PCDHA5: variants seen among roughly 807,000 people sequenced by gnomAD.
The protein encoded by PCDHA5 is protocadherin alpha-5.
Under a neutral mutation model 61.6 loss-of-function variants are expected in PCDHA5, and 43 were observed. That is an observed-to-expected ratio of 0.70 (90% CI 0.55 to 0.90). PCDHA5 has a LOEUF of 0.90. Ranked by LOEUF, PCDHA5 falls within the 40% of genes least tolerant of loss-of-function variation. PCDHA5 has a pLI of 0.00. For missense variants in PCDHA5, 1,298 were observed against 1,222.7 expected (o/e 1.06, Z -0.92); for synonymous variants, 627 against 543.9 (o/e 1.15, Z -2.13).
In PCDHA5 at chr5:140,848,841, G is replaced by A. The variant is rs2150422504; in HGVS notation, c.2352+24714G>A. The A allele has an allele frequency of 3.6e-5, 57 of 1,590,472 alleles. 1 individual carries two copies. In the African/African-American group the frequency reaches 7.3e-4, roughly 20 times the overall value. On this transcript the variant is annotated intron_variant, in intron 1 of 3. Transcript: ENST00000529859. ...GGTGATCGTAGACAGGCCGCTGCAG[G>A]TTTTCCATGTGGACGTGGAGGTGAA...
At chr5:140,857,717 G>C (rs782771327) in intron 1 of PCDHA5, 1 of 1,597,518 alleles carries the variant, frequency 6.3e-7, no homozygotes, top group African/African-American at 1.3e-5. Flanking sequence ...CGTGCTGGAC[G>C]AGAACGACAA....
intron 1 of PCDHA5, chr5:140,877,310 C>G (rs371801888): frequency 6.2e-7 from 1 of 1,613,938 alleles, no homozygotes; most frequent in Non-Finnish European, 8.5e-7. Flanking sequence ...GAGTTGCAAC[C>G]GGCGGCGGTC....
intron 1 of PCDHA5, chr5:140,851,464 T>A: frequency 1.1e-6 from 1 of 895,470 alleles, no homozygotes; most frequent in Non-Finnish European, 1.4e-6. Flanking sequence ...TCAAATTATG[T>A]CAATAAATGT....
chr5:140,827,921 A>G (rs2150149765), intron 1 of PCDHA5: 1 of 938,742 alleles, frequency 1.1e-6, no homozygotes, highest in East Asian at 2.4e-5. Context: ...GTCGCTGTCT[A>G]CCATGAAGTT....
rs1770654887 is a variant in PCDHA5, at chr5:140,829,892, T to G, written c.2352+5765T>G. 1 of 1,613,924 alleles carries G rather than the reference T, an allele frequency of 6.2e-7. No individual in the cohort carries two copies. The highest frequency in any genetic ancestry group is 8.5e-7 in the Non-Finnish European group (1 of 1,179,884). On this transcript the variant is annotated intron_variant, in intron 1 of 3. Coordinates refer to ENST00000529859, the MANE Select transcript of PCDHA5 (RefSeq NM_018908.3). The stretch of plus-strand genomic sequence containing the variant: ...GAAGGTGCGCGCAGTTGACGCCGAC[T>G]CAGGCTACAACGCGTGGCTTTCGTA...
chr5:140,985,895 A>G (rs782549334), intron 3 of PCDHA5, among the ~76,000 whole-genome samples: 16 of 150,016 alleles, frequency 1.1e-4, no homozygotes, highest in Non-Finnish European at 1.5e-4. Flanking sequence ...GCCCGCCACC[A>G]CTCCCGTCTA....
chr5:140,829,369 C>G, intron 1 of PCDHA5: 1 of 1,614,202 alleles, frequency 6.2e-7, no homozygotes, highest in Non-Finnish European at 8.5e-7. Flanking sequence ...TGGTGGTAAC[C>G]GCGCGGGACG....
chr5:140,856,960 T>C, intron 1 of PCDHA5: 2 of 1,593,258 alleles, frequency 1.3e-6, no homozygotes, highest in Non-Finnish European at 8.6e-7. Flanking sequence ...TAAAAGTAAA[T>C]GATGCTATTG....
At chr5:140,990,025 T>C (rs2097371572) in intron 3 of PCDHA5, among the ~76,000 whole-genome samples, 1 of 151,914 alleles carries the variant, frequency 6.6e-6, no homozygotes, top group African/African-American at 2.4e-5. Flanking sequence ...AGGCAAAGGA[T>C]GGGAGAAGTC....
intron 1 of PCDHA5, chr5:140,836,425 G>C (rs2150260582): frequency 1.2e-6 from 2 of 1,613,790 alleles, no homozygotes; most frequent in Non-Finnish European, 1.7e-6. Context: ...GCGTCGTCGC[G>C]GGCATCGTTG....
chr5:140,942,588 A>G lies in PCDHA5; in HGVS notation c.2353-36361A>G, dbSNP rs1416575390. Among the ~76,000 whole-genome samples the G allele has an allele frequency of 2.0e-5, 3 of 149,704 alleles. No homozygotes were observed. The East Asian group carries it at 5.9e-4, about 29-fold the overall frequency. ...AAAATCTTCCCATATAGGATGTCAC[A>G]TATAATTATAGTGTTTATATTTGCC... On this transcript the variant is annotated intron_variant, in intron 1 of 3. Transcript: ENST00000529859.
At chr5:140,989,601 A>C (rs553140269) in intron 3 of PCDHA5, among the ~76,000 whole-genome samples, 14 of 152,318 alleles carry the variant, frequency 9.2e-5, no homozygotes, top group African/African-American at 3.4e-4. Flanking sequence ...ACACAAGTAA[A>C]CTAAAAATGA....
At chr5:140,962,405 C>A (rs2095680586) in intron 1 of PCDHA5, among the ~76,000 whole-genome samples, 1 of 152,200 alleles carries the variant, frequency 6.6e-6, no homozygotes, top group South Asian at 2.1e-4. Context: ...TGCCCCAAAC[C>A]TGTCTCTCCC....
At chr5:140,870,755 A>G in intron 1 of PCDHA5, 3 of 1,613,522 alleles carry the variant, frequency 1.9e-6, no homozygotes, top group Non-Finnish European at 2.5e-6. Flanking sequence ...GTGACGCTGC[A>G]GGTGTTCGTG....
intron 1 of PCDHA5, chr5:140,883,801 C>T (rs782690228): frequency 4.3e-6 from 7 of 1,612,430 alleles, no homozygotes; most frequent in Non-Finnish European, 5.9e-6. Context: ...TGTCGGTGCA[C>T]GCGGAGAGCG....
rs550922282 is a variant in PCDHA5, at chr5:140,927,864, T to C, written c.2353-51085T>C. On this transcript the variant is annotated intron_variant, in intron 1 of 3. Transcript: ENST00000529859. The stretch of plus-strand genomic sequence containing the variant: ...GTGTCTTTGGTTTAGCTAGCACCGC[T>C]AAACTGCTGGTGGAGGTGACTGACG... The C allele has an allele frequency of 6.8e-6, 11 of 1,614,200 alleles. No homozygotes were observed. In the South Asian group the frequency reaches 1.2e-4, roughly 18 times the overall value.
chr5:140,963,196 G>GA (rs199602110), intron 1 of PCDHA5, among the ~76,000 whole-genome samples: 256 of 147,602 alleles, frequency 1.7e-3, no homozygotes, highest in African/African-American at 4.3e-3. Flanking sequence ...CTGTGAAAAT[G>GA]AAAAAAAAAA....
chr5:140,885,998 A>G (rs2060805032), intron 1 of PCDHA5, among the ~76,000 whole-genome samples: 1 of 152,190 alleles, frequency 6.6e-6, no homozygotes, highest in Non-Finnish European at 1.5e-5. Context: ...GTTGAAAGAA[A>G]TAGTAAAGGG....
At chr5:140,949,264 G>T (rs139292588) in intron 1 of PCDHA5, among the ~76,000 whole-genome samples, 2 of 151,666 alleles carry the variant, frequency 1.3e-5, no homozygotes, top group African/African-American at 2.4e-5. Flanking sequence ...AACATATCAC[G>T]TGCACTTGAA....
Sources: gnomAD v4.1 joint callset for allele counts (sites outside exome capture counted in the v4.1 genomes callset) on GRCh38, gnomAD v4.1.1 for gene constraint, MANE v1.5 for transcripts, NCBI Gene and HGNC (gene_info 2026-07-23, HGNC 2026-07-21) for gene names.